MDGA2: variants seen among roughly 807,000 people sequenced by gnomAD.
MDGA2 encodes MAM domain-containing glycosylphosphatidylinositol anchor protein 2.
In MDGA2, 40 loss-of-function variants were observed where a neutral mutation model predicts 117.8. The observed-to-expected ratio is 0.34, with a 90% CI of 0.26 to 0.44. MDGA2 has a LOEUF of 0.44. Among genes scored for constraint, MDGA2 ranks in the 20% least tolerant of loss-of-function variants. MDGA2 has a pLI of 1.00. For missense variants in MDGA2, 1,123 were observed against 1,250.6 expected (o/e 0.90, Z 1.54); for synonymous variants, 452 against 439.0 (o/e 1.03, Z -0.37).
Position 47,051,681 on chromosome 14 carries a change from T to A in MDGA2, c.1525+9568A>T, listed in dbSNP as rs77812892. 8.7e-4 allele frequency among the ~76,000 whole-genome samples: 132 copies of A among 152,032 alleles called. 1 individual carries two copies. Among genetic ancestry groups the A allele is most frequent in the African/African-American group, 3.1e-3 (130 of 41,532 alleles). On this transcript the variant is annotated intron_variant, in intron 7 of 16. Transcript: ENST00000399232. ...AAACTTAAACACACCACATACAAAT[T>A]AAATCACTTTAATAACTGTTCTCTC...
intron 1 of MDGA2, among the ~76,000 whole-genome samples, chr14:47,635,018 A>G (rs571646033): frequency 1.3e-5 from 2 of 152,232 alleles, no homozygotes; most frequent in African/African-American, 4.8e-5. Context: ...GATTATTATC[A>G]TGGGTAATAA....
intron 1 of MDGA2, among the ~76,000 whole-genome samples, chr14:47,346,534 T>C (rs1390628325): frequency 6.6e-6 from 1 of 152,214 alleles, no homozygotes; most frequent in African/African-American, 2.4e-5. Context: ...TCCCAAACTT[T>C]CTGTTTTGGT....
intron 1 of MDGA2, among the ~76,000 whole-genome samples, chr14:47,584,560 C>T (rs1035042333): frequency 6.6e-6 from 1 of 151,738 alleles, no homozygotes; most frequent in Non-Finnish European, 1.5e-5. Flanking sequence ...GCATCCTTTC[C>T]ATTCCTTCTG....
At chr14:47,616,311 C>T (rs911821053) in intron 1 of MDGA2, among the ~76,000 whole-genome samples, 10 of 152,138 alleles carry the variant, frequency 6.6e-5, no homozygotes, top group Non-Finnish European at 8.8e-5. Flanking sequence ...AGAAGAGATA[C>T]GTTAACAGTG....
chr14:47,236,899 T>G (rs961130987), intron 2 of MDGA2, among the ~76,000 whole-genome samples: 1 of 152,180 alleles, frequency 6.6e-6, no homozygotes, highest in Admixed American at 6.5e-5. Flanking sequence ...AGCCAAGCTG[T>G]TAGAAACCTT....
intron 10 of MDGA2, among the ~76,000 whole-genome samples, 163 bp from the exon 11 acceptor site, chr14:46,882,384 A>C (rs1284851595): frequency 1.3e-5 from 2 of 151,830 alleles, no homozygotes; most frequent in Non-Finnish European, 2.9e-5. Context: ...AAATTTTGAG[A>C]TGTTTGCATG....
At chr14:46,931,075 C>A (rs186243726) in intron 9 of MDGA2, among the ~76,000 whole-genome samples, 124 of 151,866 alleles carry the variant, frequency 8.2e-4, no homozygotes, top group Non-Finnish European at 1.5e-3. Flanking sequence ...ATTAGCAGGG[C>A]ATGGTGGCAC....
chr14:46,864,545 GTTTTTT>G (rs71112467), intron 14 of MDGA2, among the ~76,000 whole-genome samples: 47 of 51,478 alleles, frequency 9.1e-4, no homozygotes, highest in African/African-American at 1.8e-3. Flanking sequence ...AGATATTGCT[GTTTTTT>G]TTTTTTTTTT....
chr14:47,628,847 G>T (rs1897201371), intron 1 of MDGA2, among the ~76,000 whole-genome samples: 1 of 152,196 alleles, frequency 6.6e-6, no homozygotes, highest in Non-Finnish European at 1.5e-5. Flanking sequence ...AAACTGCTGC[G>T]TTTGAGGACT....
intron 16 of MDGA2, among the ~76,000 whole-genome samples, chr14:46,844,197 G>A (rs76796178): frequency 6.6e-6 from 1 of 152,150 alleles, no homozygotes; most frequent in African/African-American, 2.4e-5. Context: ...AGCTTGTGGT[G>A]CAGATAGGAG....
chr14:47,382,354 G>T (rs901253636), intron 1 of MDGA2, among the ~76,000 whole-genome samples: 3 of 152,114 alleles, frequency 2.0e-5, no homozygotes, highest in Non-Finnish European at 4.4e-5. Context: ...ATTGACAAAT[G>T]GGATCTAATT....
chr14:47,003,382 C>A (rs998340570), intron 8 of MDGA2, among the ~76,000 whole-genome samples: 1 of 151,724 alleles, frequency 6.6e-6, no homozygotes, highest in East Asian at 1.9e-4. Context: ...AAAAAACCTA[C>A]CACACTGTTT....
intron 8 of MDGA2, among the ~76,000 whole-genome samples, chr14:46,963,143 T>C (rs974137884): frequency 6.6e-6 from 1 of 152,180 alleles, no homozygotes; most frequent in African/African-American, 2.4e-5. Flanking sequence ...ACTGTAGAAA[T>C]AATGAGTGAT....
At chr14:46,941,213 C>A (rs1884988756) in intron 9 of MDGA2, among the ~76,000 whole-genome samples, 1 of 152,120 alleles carries the variant, frequency 6.6e-6, no homozygotes, top group African/African-American at 2.4e-5. Context: ...GTCATACATT[C>A]TTTTAAAATA....
intron 6 of MDGA2, among the ~76,000 whole-genome samples, chr14:47,095,786 A>G (rs957223411): frequency 6.6e-6 from 1 of 152,044 alleles, no homozygotes; most frequent in Non-Finnish European, 1.5e-5. Context: ...TTGCAAAATA[A>G]CAGATAACTA....
At chr14:47,312,761 C>T (rs1234333134) in intron 1 of MDGA2, among the ~76,000 whole-genome samples, 1 of 141,200 alleles carries the variant, frequency 7.1e-6, no homozygotes, top group Non-Finnish European at 1.5e-5. Context: ...AACTCCTAGC[C>T]TCATATGATC....
At chr14:47,167,372 T>A (rs1384076149) in intron 3 of MDGA2, among the ~76,000 whole-genome samples, 1 of 152,176 alleles carries the variant, frequency 6.6e-6, no homozygotes, top group Non-Finnish European at 1.5e-5. Flanking sequence ...CCTCTCTGTG[T>A]ACTCATGTCT....
intron 1 of MDGA2, among the ~76,000 whole-genome samples, chr14:47,577,669 A>AC (rs1033053137): frequency 1.3e-4 from 20 of 152,244 alleles, no homozygotes; most frequent in African/African-American, 4.8e-4. Flanking sequence ...TATGCAGCCA[A>AC]CAAACATATG....
At chr14:47,294,586 A>T (rs983636795) in intron 2 of MDGA2, among the ~76,000 whole-genome samples, 1 of 152,116 alleles carries the variant, frequency 6.6e-6, no homozygotes, top group African/African-American at 2.4e-5. Context: ...AATTTTATAA[A>T]ACACAAAAAA....
Sources: gnomAD v4.1 joint callset for allele counts (sites outside exome capture counted in the v4.1 genomes callset) on GRCh38, gnomAD v4.1.1 for gene constraint, MANE v1.5 for transcripts, NCBI Gene and HGNC (gene_info 2026-07-23, HGNC 2026-07-21) for gene names.